MSH3: variants seen among roughly 807,000 people sequenced by gnomAD.
The protein encoded by MSH3 is mutS homolog 3.
A neutral mutation model predicts 123.3 loss-of-function variants in MSH3; 106 were observed. That is an observed-to-expected ratio of 0.86 (90% CI 0.73 to 1.01). The LOEUF (loss-of-function observed/expected upper bound fraction) is 1.01. MSH3 is among the 50% of genes least tolerant of loss of function. MSH3 has a pLI of 0.00. For synonymous variants in MSH3, 515 were observed against 481.4 expected, an observed-to-expected ratio of 1.07 and a Z score of -0.91; for missense variants, 1,459 against 1,347.6, an observed-to-expected ratio of 1.08 and a Z score of -1.29.
At chr5:80,835,636 CG>C (rs1166694545) in intron 20 of MSH3, among the ~76,000 whole-genome samples, 2 of 151,774 alleles carry the variant, frequency 1.3e-5, no homozygotes, top group Non-Finnish European at 2.9e-5. Flanking sequence ...AATATGAGAC[CG>C]GGTATGGTGG....
At chr5:80,659,568 A>G (rs535453617) in intron 2 of MSH3, among the ~76,000 whole-genome samples, 21 of 152,308 alleles carry the variant, frequency 1.4e-4, no homozygotes, top group Admixed American at 9.8e-4. Context: ...GTGTTGTAGC[A>G]TGTATCAGTA....
intron 19 of MSH3, among the ~76,000 whole-genome samples, chr5:80,808,873 A>ATATATATATCTATATATATATC (rs1554074175): frequency 1.5e-5 from 2 of 137,044 alleles, no homozygotes; most frequent in South Asian, 4.5e-4. Context: ...ATATATATAT[A>ATATATATATCTATATATATATC]TATATATATA....
chr5:80,693,610 TACACACACACATATAC>T lies in MSH3; in HGVS notation c.1340+14529_1340+14544del, dbSNP rs1456873597. 1.0e-3 allele frequency among the ~76,000 whole-genome samples: 134 copies of T among 129,442 alleles called. 1 individual carries two copies. The highest frequency in any genetic ancestry group is 3.9e-3 in the African/African-American group (129 of 32,660). 84.9% of individuals were successfully genotyped at this position (129,442 alleles called of 152,430 possible). ...ATAAATATATATAAACATACATATA[TACACACACACATATAC>T]ACACACACACACACACACACACAAA... On this transcript the variant is annotated intron_variant, in intron 8 of 23. Coordinates refer to ENST00000265081, the MANE Select transcript of MSH3 (RefSeq NM_002439.5).
chr5:80,700,346 A>G (rs1014441198), intron 8 of MSH3, among the ~76,000 whole-genome samples: 2 of 152,168 alleles, frequency 1.3e-5, no homozygotes, highest in African/African-American at 4.8e-5. Flanking sequence ...TCCCCACTGC[A>G]CTCCAGTCTG....
intron 22 of MSH3, among the ~76,000 whole-genome samples, chr5:80,871,141 C>G (rs40408): frequency 0.87 from 131,666 of 152,142 alleles, 57,077 homozygotes; most frequent in East Asian, 1. Context: ...GAGGTTCATT[C>G]GGAGTGCTGG....
chr5:80,746,667 T>C (rs1174171551), intron 12 of MSH3: 1 of 307,246 alleles, frequency 3.3e-6, no homozygotes, highest in Admixed American at 4.6e-5. Context: ...CTTTTAAAAA[T>C]ATTGCTGCAT....
intron 8 of MSH3, among the ~76,000 whole-genome samples, chr5:80,707,131 G>A (rs1358161612): frequency 6.6e-6 from 1 of 152,212 alleles, no homozygotes; most frequent in Non-Finnish European, 1.5e-5. Flanking sequence ...AGTCAGTACA[G>A]TGCATACTTT....
chr5:80,789,129 A>G (rs751732338), intron 18 of MSH3, among the ~76,000 whole-genome samples: 1 of 152,194 alleles, frequency 6.6e-6, no homozygotes, highest in Non-Finnish European at 1.5e-5. Flanking sequence ...AAATCATATC[A>G]GTGTCATGAA....
chr5:80,789,254 A>G (rs1269404356), intron 18 of MSH3, among the ~76,000 whole-genome samples: 1 of 152,162 alleles, frequency 6.6e-6, no homozygotes, highest in Non-Finnish European at 1.5e-5. Flanking sequence ...TAGACAAAAA[A>G]TCTTGTCTTC....
chr5:80,704,303 G>C (rs1421687089), intron 8 of MSH3, among the ~76,000 whole-genome samples: 7 of 152,196 alleles, frequency 4.6e-5, no homozygotes, highest in Non-Finnish European at 2.9e-5. Flanking sequence ...CAATTCCAGA[G>C]TTAAATACTG....
At chr5:80,787,066 A>T (rs1227039042) in intron 17 of MSH3, among the ~76,000 whole-genome samples, 1 of 126,324 alleles carries the variant, frequency 7.9e-6, no homozygotes, top group Non-Finnish European at 1.7e-5. Context: ...TATAAACTAG[A>T]TGTTAGGTCT....
At chr5:80,809,837 A>C (rs1036543698) in intron 19 of MSH3, among the ~76,000 whole-genome samples, 2 of 152,172 alleles carry the variant, frequency 1.3e-5, no homozygotes, top group East Asian at 3.8e-4. Flanking sequence ...AATTACATAA[A>C]TGTGTTTGTA....
At chr5:80,745,768 C>T (rs991263232) in intron 12 of MSH3, among the ~76,000 whole-genome samples, 2 of 152,222 alleles carry the variant, frequency 1.3e-5, no homozygotes, top group African/African-American at 4.8e-5. Flanking sequence ...CTCTTTATCT[C>T]ACACCACACA....
chr5:80,793,912 A>G (rs528153219), intron 19 of MSH3, among the ~76,000 whole-genome samples: 7 of 152,282 alleles, frequency 4.6e-5, no homozygotes, highest in African/African-American at 1.7e-4. Context: ...TTATTCAGTA[A>G]TACTCCTGCA....
rs2112106159 is a variant in MSH3, at chr5:80,854,122, G to C, written c.2814-8G>C. On this transcript the variant is annotated splice_region_variant and splice_polypyrimidine_tract_variant and intron_variant, in intron 20 of 23. Transcript: ENST00000265081. Reference sequence around the variant, plus strand: ...AGGAAAATCAAGGTGTTTTCATCTTGCTTGTAGGATGGGTGCTGCAGACAA... The same window carrying C: ...AGGAAAATCAAGGTGTTTTCATCTTCCTTGTAGGATGGGTGCTGCAGACAA... 6.2e-7 allele frequency: 1 copy of C among 1,611,930 alleles called. No individual in the cohort carries two copies. Among genetic ancestry groups the C allele is most frequent in the Non-Finnish European group, 8.5e-7 (1 of 1,178,316 alleles).
intron 8 of MSH3, among the ~76,000 whole-genome samples, chr5:80,707,691 C>G (rs903675335): frequency 2.0e-5 from 3 of 152,168 alleles, no homozygotes; most frequent in African/African-American, 7.2e-5. Flanking sequence ...ATAATTGTGC[C>G]CCTGCACTCC....
At chr5:80,812,848 G>A (rs1009188815) in intron 19 of MSH3, among the ~76,000 whole-genome samples, 6 of 152,078 alleles carry the variant, frequency 3.9e-5, no homozygotes, top group African/African-American at 1.2e-4. Flanking sequence ...GTGAGCCACC[G>A]CGCCTGGCCA....
At chr5:80,790,159 C>T (rs998511906) in intron 18 of MSH3, among the ~76,000 whole-genome samples, 3 of 152,112 alleles carry the variant, frequency 2.0e-5, no homozygotes, top group East Asian at 1.9e-4. Context: ...GACTTGTACA[C>T]GTGGAGATGT....
intron 21 of MSH3, 32 bp from the exon 22 acceptor site, chr5:80,864,781 G>T (rs2406014): frequency 2.7e-6 from 1 of 365,214 alleles, no homozygotes; most frequent in South Asian, 5.1e-5. Flanking sequence ...ATTTAAAAAT[G>T]AAATAACATT....
Sources: allele counts gnomAD v4.1 joint callset (sites outside exome capture counted in the v4.1 genomes callset), GRCh38; gene constraint gnomAD v4.1.1; transcripts MANE v1.5; gene names NCBI Gene and HGNC (gene_info 2026-07-23, HGNC 2026-07-21).